The following CAMK1D variants were observed in gnomAD, a reference collection of about 807,000 sequenced individuals.
CAMK1D encodes calcium/calmodulin-dependent protein kinase type 1D.
In CAMK1D, 9 loss-of-function variants were observed where a neutral mutation model predicts 47.7. The ratio of observed to expected loss-of-function variants is 0.19; its 90% confidence interval spans 0.11 to 0.33. The LOEUF (loss-of-function observed/expected upper bound fraction) is 0.33, where lower values mean the gene tolerates loss of function less well. Ranked by LOEUF, CAMK1D falls within the 10% of genes least tolerant of loss-of-function variation. The pLI is 1.00. For synonymous variants in CAMK1D, 184 were observed against 184.9 expected (o/e 0.99, Z 0.04); for missense variants, 291 against 488.7 (o/e 0.60, Z 3.81).
intron 2 of CAMK1D, among the ~76,000 whole-genome samples, chr10:12,632,709 T>C (rs904444880): frequency 1.3e-5 from 2 of 152,124 alleles, no homozygotes; most frequent in Non-Finnish European, 2.9e-5. Flanking sequence ...TTGTTTTTTC[T>C]TTTTTTAGAC....
intron 5 of CAMK1D, among the ~76,000 whole-genome samples, chr10:12,773,516 T>C (rs934640588): frequency 6.6e-6 from 1 of 152,246 alleles, no homozygotes; most frequent in African/African-American, 2.4e-5. Flanking sequence ...ATTTGTATTG[T>C]TTTTTCAAAT....
intron 1 of CAMK1D, among the ~76,000 whole-genome samples, chr10:12,496,072 T>C (rs1325121146): frequency 6.6e-6 from 1 of 152,072 alleles, no homozygotes; most frequent in Non-Finnish European, 1.5e-5. Context: ...CAAGCAATCC[T>C]CCTGCCTCGG....
At chr10:12,598,254 C>T (rs370236079) in intron 2 of CAMK1D, among the ~76,000 whole-genome samples, 4 of 152,160 alleles carry the variant, frequency 2.6e-5, no homozygotes, top group South Asian at 2.1e-4. Flanking sequence ...CATGTGCATC[C>T]GTGGTAGGAC....
chr10:12,584,791 G>A (rs1837767364), intron 2 of CAMK1D, among the ~76,000 whole-genome samples: 1 of 152,060 alleles, frequency 6.6e-6, no homozygotes, highest in South Asian at 2.1e-4. Context: ...CTGCACTCCA[G>A]CCTGGGTGAC....
chr10:12,351,488 CAAT>C (rs1837354058), intron 1 of CAMK1D, among the ~76,000 whole-genome samples: 1 of 152,120 alleles, frequency 6.6e-6, no homozygotes, highest in Non-Finnish European at 1.5e-5. Flanking sequence ...CTGTGGCCGC[CAAT>C]GAGGAGATGG....
At chr10:12,760,727 A>T in intron 3 of CAMK1D, 2 of 502,890 alleles carry the variant, frequency 4.0e-6, no homozygotes, top group Non-Finnish European at 7.2e-6. Flanking sequence ...TGGTCCGTGG[A>T]TCGTGTTTTT....
chr10:12,784,702 C>A (rs570716871), intron 5 of CAMK1D, among the ~76,000 whole-genome samples: 2 of 152,214 alleles, frequency 1.3e-5, no homozygotes, highest in African/African-American at 4.8e-5. Context: ...TTCATTTGTT[C>A]CCTGCCTCTG....
At chr10:12,538,780 G>C (rs898168601) in intron 1 of CAMK1D, among the ~76,000 whole-genome samples, 2 of 151,894 alleles carry the variant, frequency 1.3e-5, no homozygotes, top group Non-Finnish European at 2.9e-5. Flanking sequence ...CCACTTGGTG[G>C]GGTCCCAGGG....
chr10:12,506,439 T>C lies in CAMK1D; in HGVS notation c.93-46786T>C, dbSNP rs141789130. Among the ~76,000 whole-genome samples, 4 of 152,054 alleles carry C rather than the reference T, an allele frequency of 2.6e-5. No individual in the cohort carries two copies. The East Asian group carries it at 7.8e-4, about 30-fold the overall frequency. On this transcript the variant is annotated intron_variant, in intron 1 of 10. Coordinates refer to ENST00000619168, the MANE Select transcript of CAMK1D (RefSeq NM_153498.4). ...TGTCTCAAAAAGAAAAGATAATGAA[T>C]TAGACCATTGTAGGGAAATGTAAGT... is the stretch of plus-strand genomic sequence containing the variant.
chr10:12,788,974 A>G (rs897828924), intron 5 of CAMK1D, among the ~76,000 whole-genome samples: 1 of 152,188 alleles, frequency 6.6e-6, no homozygotes, highest in African/African-American at 2.4e-5. Context: ...AGTTTCGGGG[A>G]TTATCTGTGG....
chr10:12,421,800 G>T (rs11257785), intron 1 of CAMK1D, among the ~76,000 whole-genome samples: 1 of 148,196 alleles, frequency 6.7e-6, no homozygotes, highest in Non-Finnish European at 1.5e-5. Context: ...TTTTCTATTC[G>T]CTTGGGGGCA....
At chr10:12,457,452 C>T (rs573885409) in intron 1 of CAMK1D, among the ~76,000 whole-genome samples, 1 of 151,058 alleles carries the variant, frequency 6.6e-6, no homozygotes, top group Admixed American at 6.6e-5. Context: ...GTACAAAACG[C>T]AAGGTGAAAA....
intron 1 of CAMK1D, among the ~76,000 whole-genome samples, chr10:12,541,864 TTCCTTCCTTCCTTCCTTCCTTCC>T (rs1836198018): frequency 6.8e-6 from 1 of 148,058 alleles, no homozygotes; most frequent in African/African-American, 2.5e-5. Flanking sequence ...CCTTCCTTCC[TTCCTTCCTTCCTTCCTTCCTTCC>T]TTTTTTTTTT....
intron 3 of CAMK1D, among the ~76,000 whole-genome samples, chr10:12,699,603 G>T (rs1833430898): frequency 1.3e-5 from 2 of 151,414 alleles, no homozygotes; most frequent in Non-Finnish European, 2.9e-5. Context: ...GTTGGTTGTT[G>T]CTTCTGCTGT....
chr10:12,603,284 C>T (rs900235231), intron 2 of CAMK1D, among the ~76,000 whole-genome samples: 8 of 152,278 alleles, frequency 5.3e-5, no homozygotes, highest in East Asian at 1.9e-4. Flanking sequence ...TCCTCCTCCC[C>T]GCCCAGACTG....
At chr10:12,653,675 G>A (rs550483467) in intron 2 of CAMK1D, among the ~76,000 whole-genome samples, 2 of 152,382 alleles carry the variant, frequency 1.3e-5, no homozygotes, top group South Asian at 4.1e-4. Context: ...AAGTCTGACA[G>A]TGAACTGAAA....
intron 1 of CAMK1D, among the ~76,000 whole-genome samples, chr10:12,544,787 G>A (rs904379035): frequency 6.6e-6 from 1 of 152,024 alleles, no homozygotes; most frequent in African/African-American, 2.4e-5. Flanking sequence ...GATAGTACTA[G>A]TGTTGAGTGG....
chr10:12,409,249 C>G (rs939827043), intron 1 of CAMK1D, among the ~76,000 whole-genome samples: 1 of 152,088 alleles, frequency 6.6e-6, no homozygotes, highest in African/African-American at 2.4e-5. Flanking sequence ...GAGCAGGCAC[C>G]GAGACCCCTC....
intron 2 of CAMK1D, among the ~76,000 whole-genome samples, chr10:12,559,921 G>A (rs2768349): frequency 1 from 152,225 of 152,226 alleles, 76,112 homozygotes; most frequent in Non-Finnish European, 1. Flanking sequence ...CCCTGGGGCC[G>A]AAGTCAGGAT....
Sources: allele counts gnomAD v4.1 joint callset (sites outside exome capture counted in the v4.1 genomes callset), GRCh38; gene constraint gnomAD v4.1.1; transcripts MANE v1.5; gene names NCBI Gene and HGNC (gene_info 2026-07-23, HGNC 2026-07-21).